The following ITGBL1 variants were observed in gnomAD, a reference collection of about 807,000 sequenced individuals.
The protein encoded by ITGBL1 is integrin subunit beta like 1.
ITGBL1 carries 51 observed loss-of-function variants against 68.5 expected under a neutral mutation model. The observed-to-expected ratio is 0.74, with a 90% CI of 0.59 to 0.94. The LOEUF is 0.94. ITGBL1 is among the 40% of genes least tolerant of loss of function. The pLI, the probability that ITGBL1 is intolerant of heterozygous loss-of-function variation, is 0.00. For synonymous variants in ITGBL1, 209 were observed against 227.3 expected (o/e 0.92, Z 0.72); for missense variants, 649 against 647.4 (o/e 1.00, Z -0.03).
intron 2 of ITGBL1, among the ~76,000 whole-genome samples, chr13:101,491,002 G>A (rs2048768006): frequency 6.6e-6 from 1 of 152,166 alleles, no homozygotes; most frequent in African/African-American, 2.4e-5. Flanking sequence ...TGTGTGTAAT[G>A]TCTGTCTTGG....
At chr13:101,473,712 C>G (rs1290759918) in intron 2 of ITGBL1, among the ~76,000 whole-genome samples, 1 of 152,104 alleles carries the variant, frequency 6.6e-6, no homozygotes, top group Non-Finnish European at 1.5e-5. Context: ...CTCCTTTGAC[C>G]CTAGGCAGTG....
intron 7 of ITGBL1, among the ~76,000 whole-genome samples, chr13:101,689,693 A>G (rs915091430): frequency 5.3e-5 from 8 of 152,152 alleles, no homozygotes; most frequent in African/African-American, 1.9e-4. Context: ...TTCCTAATGC[A>G]TTATATTTTA....
Position 101,454,077 on chromosome 13 carries a change from C to G in ITGBL1, c.293C>G (p.Thr98Ser). The part of the protein sequence containing the change: ...LCECHEWVCE[T>S]YDGSTCAGHG... ...GAGTGCCATGAGTGGGTGTGCGAGA[C>G]CTACGACGGGAGCACCTGTGCAGGT... Residue 98 changes from threonine to serine, a missense_variant, in exon 2 of 11, where the codon ACC becomes AGC. Coordinates refer to ENST00000376180, the MANE Select transcript of ITGBL1 (RefSeq NM_004791.3). 6.3e-7 allele frequency: 1 copy of G among 1,582,870 alleles called. No homozygotes were observed. The highest frequency in any genetic ancestry group is 1.2e-5 in the South Asian group (1 of 85,698).
At chr13:101,511,536 GA>G (rs996623195) in intron 2 of ITGBL1, among the ~76,000 whole-genome samples, 2 of 152,106 alleles carry the variant, frequency 1.3e-5, no homozygotes, top group African/African-American at 4.8e-5. Flanking sequence ...AATCAAAAGA[GA>G]AATTTTACTG....
intron 9 of ITGBL1, 132 bp downstream of exon 9, chr13:101,707,034 A>G (rs937290119): frequency 3.6e-5 from 30 of 836,756 alleles, no homozygotes; most frequent in Non-Finnish European, 4.7e-5. Flanking sequence ...GCTGTCCCCA[A>G]CTTGAAGCTT....
At chr13:101,608,428 T>A (rs1222140490) in intron 7 of ITGBL1, among the ~76,000 whole-genome samples, 1 of 152,078 alleles carries the variant, frequency 6.6e-6, no homozygotes, top group East Asian at 1.9e-4. Context: ...TTTGGACAGC[T>A]GAATCATTAC....
rs1269562137 is a variant in ITGBL1, at chr13:101,583,420, A to AG, written c.868+64_868+65insG. On this transcript the variant is annotated intron_variant, in intron 6 of 10. Coordinates refer to ENST00000376180, the MANE Select transcript of ITGBL1 (RefSeq NM_004791.3). ...GGTGGGGCTTGTTAATGGGTAAAAAAAAAAAAAAAGCAATTAGAAAGAATA... is the reference window on the plus strand; with the variant it reads ...GGTGGGGCTTGTTAATGGGTAAAAAAGAAAAAAAAAGCAATTAGAAAGAATA... 2.2e-6 allele frequency: 3 copies of AG among 1,348,360 alleles called. No homozygotes were observed. In the East Asian group the frequency reaches 7.6e-5, roughly 34 times the overall value. 83.5% of individuals were successfully genotyped at this position (1,348,360 alleles called of 1,614,324 possible).
At position 101,456,412 on chromosome 13, in the gene ITGBL1, A is replaced by G. The variant is rs145315946; in HGVS notation, c.316+2312A>G. Among the ~76,000 whole-genome samples the G allele has an allele frequency of 3.2e-3, 493 of 152,238 alleles. 2 individuals carry two copies. Among genetic ancestry groups the G allele is most frequent in the African/African-American group, 0.01 (428 of 41,548 alleles). On this transcript the variant is annotated intron_variant, in intron 2 of 10. Coordinates refer to ENST00000376180, the MANE Select transcript of ITGBL1 (RefSeq NM_004791.3). ...TTCCATGCTTCAAATTTAGCTTCTC[A>G]GTTTTATTTTTAAGAGATAGTTCCA...
intron 7 of ITGBL1, among the ~76,000 whole-genome samples, chr13:101,688,467 C>G (rs1483968479): frequency 6.6e-6 from 1 of 151,994 alleles, no homozygotes; most frequent in Admixed American, 6.6e-5. Flanking sequence ...CATAAAGTCT[C>G]TGAACATGAG....
intron 3 of ITGBL1, among the ~76,000 whole-genome samples, chr13:101,570,705 C>T (rs765767814): frequency 4.6e-5 from 7 of 152,068 alleles, no homozygotes; most frequent in Non-Finnish European, 1.0e-4. Flanking sequence ...AGTTGGTTGG[C>T]TAATGTTATA....
intron 2 of ITGBL1, among the ~76,000 whole-genome samples, chr13:101,467,286 C>G (rs954771853): frequency 9.9e-5 from 15 of 152,092 alleles, no homozygotes; most frequent in African/African-American, 2.4e-4. Context: ...GATATTGAAG[C>G]CTTTGTCCTT....
intron 7 of ITGBL1, among the ~76,000 whole-genome samples, chr13:101,618,509 G>A (rs930829673): frequency 6.6e-6 from 1 of 152,120 alleles, no homozygotes; most frequent in Non-Finnish European, 1.5e-5. Flanking sequence ...CAAACAACCA[G>A]AAACAAATAA....
chr13:101,534,117 A>T (rs1156950701), intron 2 of ITGBL1, among the ~76,000 whole-genome samples: 1 of 152,168 alleles, frequency 6.6e-6, no homozygotes, highest in African/African-American at 2.4e-5. Flanking sequence ...ACAAATATAG[A>T]CTACCGTTCT....
At chr13:101,539,284 T>C (rs2049642018) in intron 2 of ITGBL1, among the ~76,000 whole-genome samples, 1 of 148,898 alleles carries the variant, frequency 6.7e-6, no homozygotes, top group Non-Finnish European at 1.5e-5. Context: ...TTCCCACCTG[T>C]GAGTGAGAAC....
At chr13:101,704,001 G>GGGGAGGGGAC (rs1307715667) in intron 8 of ITGBL1, among the ~76,000 whole-genome samples, 2 of 152,172 alleles carry the variant, frequency 1.3e-5, no homozygotes, top group African/African-American at 2.4e-5. Flanking sequence ...TCTCTGGGGA[G>GGGGAGGGGAC]GGGAGGGGAC....
intron 2 of ITGBL1, among the ~76,000 whole-genome samples, chr13:101,542,004 C>A (rs562221236): frequency 3.4e-4 from 51 of 152,194 alleles, no homozygotes; most frequent in African/African-American, 1.2e-3. Flanking sequence ...TTCAAGAAAC[C>A]AGCTCCTGGA....
downstream of ITGBL1, chr13:101,720,513 A>AGAT (rs941270411): frequency 1.3e-5 from 2 of 148,562 alleles, no homozygotes; most frequent in African/African-American, 5.0e-5. Context: ...AGTAACAAAT[A>AGAT]GATGGGGGTG....
At chr13:101,702,302 T>C (rs2034154432) in intron 8 of ITGBL1, among the ~76,000 whole-genome samples, 1 of 152,196 alleles carries the variant, frequency 6.6e-6, no homozygotes, top group East Asian at 1.9e-4. Flanking sequence ...TCTTTTCAAA[T>C]AGCCAACTTT....
intron 2 of ITGBL1, among the ~76,000 whole-genome samples, chr13:101,540,769 C>T (rs941592282): frequency 8.6e-5 from 13 of 151,838 alleles, no homozygotes; most frequent in African/African-American, 2.9e-4. Context: ...AGGTCCTTCA[C>T]ATCCCTTGTA....
Sources: gnomAD v4.1 joint callset for allele counts (sites outside exome capture counted in the v4.1 genomes callset) on GRCh38, gnomAD v4.1.1 for gene constraint, MANE v1.5 for transcripts, NCBI Gene and HGNC (gene_info 2026-07-23, HGNC 2026-07-21) for gene names.